The following RALYL variants were observed in gnomAD, a reference collection of about 807,000 sequenced individuals.
RALYL encodes the protein RALY RNA binding protein like.
In RALYL, 29 loss-of-function variants were observed where a neutral mutation model predicts 35.1. The observed-to-expected ratio is 0.83, with a 90% CI of 0.61 to 1.13. The LOEUF is 1.13. RALYL is among the 50% of genes most tolerant of loss of function. RALYL has a pLI of 0.00. For synonymous variants in RALYL, 120 were observed against 127.6 expected, an observed-to-expected ratio of 0.94 and a Z score of 0.40; for missense variants, 359 against 360.4, an observed-to-expected ratio of 1.00 and a Z score of 0.03.
intron 8 of RALYL, among the ~76,000 whole-genome samples, chr8:84,919,954 G>A (rs1399190793): frequency 3.3e-5 from 5 of 152,090 alleles, no homozygotes; most frequent in Admixed American, 6.5e-5. Context: ...AATCTGGGGG[G>A]CTGCAAACCT....
At chr8:84,889,635 A>G (rs1486480102) in intron 8 of RALYL, among the ~76,000 whole-genome samples, 4 of 152,222 alleles carry the variant, frequency 2.6e-5, no homozygotes, top group South Asian at 2.1e-4. Context: ...TCACATTTCT[A>G]TCCCTGATCT....
chr8:84,298,274 C>A (rs139400585), intron 1 of RALYL, among the ~76,000 whole-genome samples: 1 of 152,148 alleles, frequency 6.6e-6, no homozygotes, highest in Non-Finnish European at 1.5e-5. Flanking sequence ...ATCCCAGCAC[C>A]ATTTATTGAA....
intron 1 of RALYL, among the ~76,000 whole-genome samples, chr8:84,276,900 A>G (rs1835493870): frequency 6.6e-6 from 1 of 152,228 alleles, no homozygotes; most frequent in Non-Finnish European, 1.5e-5. Context: ...TTTATGTGAA[A>G]ACATATTGTC....
At chr8:84,842,918 C>A (rs966614317) in intron 4 of RALYL, among the ~76,000 whole-genome samples, 4 of 152,112 alleles carry the variant, frequency 2.6e-5, no homozygotes, top group African/African-American at 7.2e-5. Flanking sequence ...AATTCAACAA[C>A]CCTTCATGCT....
intron 1 of RALYL, among the ~76,000 whole-genome samples, chr8:84,499,986 G>A (rs964841392): frequency 2.6e-5 from 4 of 151,920 alleles, no homozygotes; most frequent in Non-Finnish European, 5.9e-5. Context: ...TAAACTCCTG[G>A]GCTCAAGTGA....
At chr8:84,663,097 T>C (rs1831240620) in intron 2 of RALYL, among the ~76,000 whole-genome samples, 1 of 152,132 alleles carries the variant, frequency 6.6e-6, no homozygotes, top group Admixed American at 6.5e-5. Context: ...GGTTTTCTGT[T>C]CCTGTGTTAG....
intron 5 of RALYL, among the ~76,000 whole-genome samples, chr8:84,854,283 T>C (rs1457076929): frequency 1.3e-5 from 2 of 151,342 alleles, no homozygotes; most frequent in African/African-American, 2.4e-5. Context: ...GAGGCAGAGG[T>C]TGCAGTGAGC....
At position 84,382,900 on chromosome 8, in the gene RALYL, A is replaced by G. The variant is rs185097893; in HGVS notation, c.-23-146399A>G. 5.3e-5 allele frequency among the ~76,000 whole-genome samples: 8 copies of G among 151,844 alleles called. No homozygotes were observed. In the East Asian group the frequency reaches 1.2e-3, roughly 22 times the overall value. ...TTATTTATCTTTGCCACCTTACGTGATTGTAGGCATCCAGAATTTTCCCAC... is the reference window on the plus strand; with the variant it reads ...TTATTTATCTTTGCCACCTTACGTGGTTGTAGGCATCCAGAATTTTCCCAC... On this transcript the variant is annotated intron_variant, in intron 1 of 8. Transcript: ENST00000521268.
intron 2 of RALYL, among the ~76,000 whole-genome samples, chr8:84,565,014 G>A (rs775197278): frequency 6.6e-6 from 1 of 151,510 alleles, no homozygotes; most frequent in Non-Finnish European, 1.5e-5. Context: ...TTGTTAATGT[G>A]CTTTCATAAT....
chr8:84,308,094 T>C (rs1351770859), intron 1 of RALYL, among the ~76,000 whole-genome samples: 1 of 137,274 alleles, frequency 7.3e-6, no homozygotes, highest in Non-Finnish European at 1.6e-5. Flanking sequence ...TATAAATAGA[T>C]CACCAAGAAA....
At chr8:84,490,573 G>A (rs1449770736) in intron 1 of RALYL, among the ~76,000 whole-genome samples, 2 of 151,968 alleles carry the variant, frequency 1.3e-5, no homozygotes, top group Non-Finnish European at 2.9e-5. Context: ...TCATTTGTCT[G>A]TGGAAGGAAA....
At chr8:84,564,422 CATA>C (rs1209871141) in intron 2 of RALYL, among the ~76,000 whole-genome samples, 2 of 151,684 alleles carry the variant, frequency 1.3e-5, no homozygotes, top group African/African-American at 4.8e-5. Flanking sequence ...CCTGCATTTT[CATA>C]ATGTTAACTT....
intron 1 of RALYL, among the ~76,000 whole-genome samples, chr8:84,442,573 C>G (rs969369976): frequency 1.3e-5 from 2 of 152,062 alleles, no homozygotes; most frequent in Admixed American, 1.3e-4. Flanking sequence ...TCCATGAGAG[C>G]TCCTCTGGAA....
At chr8:84,613,053 T>C (rs1418698398) in intron 2 of RALYL, among the ~76,000 whole-genome samples, 2 of 151,670 alleles carry the variant, frequency 1.3e-5, no homozygotes, top group Non-Finnish European at 2.9e-5. Flanking sequence ...TTGAAAAGAT[T>C]ACGGGTTTAT....
intron 3 of RALYL, among the ~76,000 whole-genome samples, chr8:84,788,540 G>A (rs1820075456): frequency 1.3e-5 from 2 of 152,196 alleles, no homozygotes; most frequent in African/African-American, 2.4e-5. Flanking sequence ...GGGAGGTGGG[G>A]CTGGTGTTAA....
At chr8:84,456,496 C>T (rs995970189) in intron 1 of RALYL, among the ~76,000 whole-genome samples, 1 of 151,832 alleles carries the variant, frequency 6.6e-6, no homozygotes, top group East Asian at 1.9e-4. Flanking sequence ...ATATTCTGAC[C>T]TGATTATATT....
At chr8:84,279,926 G>T (rs994282164) in intron 1 of RALYL, among the ~76,000 whole-genome samples, 2 of 152,114 alleles carry the variant, frequency 1.3e-5, no homozygotes, top group Non-Finnish European at 2.9e-5. Flanking sequence ...CATATTTACA[G>T]GTTCTTGGGG....
chr8:84,788,349 C>A (rs916411940), intron 3 of RALYL, among the ~76,000 whole-genome samples: 1 of 152,050 alleles, frequency 6.6e-6, no homozygotes, highest in Non-Finnish European at 1.5e-5. Flanking sequence ...TAATAAATGA[C>A]GTCGAGAAAA....
At chr8:84,732,691 CA>C (rs1249923348) in intron 2 of RALYL, among the ~76,000 whole-genome samples, 2 of 86,506 alleles carry the variant, frequency 2.3e-5, no homozygotes, top group Non-Finnish European at 2.3e-5. Context: ...TATACACACA[CA>C]CACACATATA....
Sources: allele counts gnomAD v4.1 joint callset (sites outside exome capture counted in the v4.1 genomes callset), GRCh38; gene constraint gnomAD v4.1.1; transcripts MANE v1.5; gene names NCBI Gene and HGNC (gene_info 2026-07-23, HGNC 2026-07-21).